Variants in UBR4 observed in about 807,000 individuals in gnomAD.
The protein encoded by UBR4 is ubiquitin protein ligase E3 component n-recognin 4.
In UBR4, 124 loss-of-function variants were observed where a neutral mutation model predicts 575.6. The observed-to-expected ratio is 0.22, with a 90% CI of 0.19 to 0.25. The LOEUF is 0.25. Among genes scored for constraint, UBR4 ranks in the 10% least tolerant of loss-of-function variants. The probability of loss-of-function intolerance (pLI) is 1.00; values close to 1 mark genes in which losing one functional copy is unlikely to be tolerated. For synonymous variants in UBR4, 2,455 were observed against 2,473.7 expected (o/e 0.99, Z 0.22); for missense variants, 4,818 against 6,478.8 (o/e 0.74, Z 8.80).
At chr1:19,094,610 C>T (rs2077844017) in intron 94 of UBR4, among the ~76,000 whole-genome samples, 1 of 152,218 alleles carries the variant, frequency 6.6e-6, no homozygotes, top group Non-Finnish European at 1.5e-5. Context: ...AATTCCTCAA[C>T]TATGAAATGA....
intron 92 of UBR4, 135 bp from the exon 93 acceptor site, chr1:19,095,787 A>T: frequency 1.4e-6 from 1 of 727,622 alleles, no homozygotes; most frequent in South Asian, 1.7e-5. Flanking sequence ...GACAGGAGGG[A>T]GAAGCGGCTC....
intron 64 of UBR4, among the ~76,000 whole-genome samples, chr1:19,125,416 G>A (rs1004459885): frequency 2.0e-5 from 3 of 152,204 alleles, no homozygotes; most frequent in Non-Finnish European, 2.9e-5. Flanking sequence ...CGGGAACCCA[G>A]GACAAGGCTC....
chr1:19,145,006 G>A, intron 53 of UBR4, 99 bp from the exon 54 acceptor site: 2 of 1,421,444 alleles, frequency 1.4e-6, no homozygotes, highest in East Asian at 4.7e-5. Flanking sequence ...CCATGTAAAA[G>A]GTCATGCAAA....
chr1:19,138,522 T>C (rs1331776814), intron 59 of UBR4, among the ~76,000 whole-genome samples: 2 of 152,216 alleles, frequency 1.3e-5, no homozygotes, highest in Non-Finnish European at 2.9e-5. Flanking sequence ...GTAAAAATTG[T>C]ATCCAGTTGC....
At position 19,153,806 on chromosome 1, in the gene UBR4, GA is replaced by G; in HGVS notation, c.6591del (p.Ile2199SerfsTer32). On this transcript the variant is annotated frameshift_variant, in exon 45 of 106. Coordinates refer to ENST00000375254, the MANE Select transcript of UBR4 (RefSeq NM_020765.3). LOFTEE classifies it high-confidence loss of function. This position sits in a 1 kb window ranked among gnomAD's most constrained non-coding sequence, Gnocchi z 4.1. ...PLVVMVKPDT[F>X]LIQEIKTLPA... ...GGAAGAGTCTTAATCTCCTGGATAAGAAAAGTGTCTGGTTTCACCATAACTA... is the reference window on the plus strand; with the variant it reads ...GGAAGAGTCTTAATCTCCTGGATAAGAAAGTGTCTGGTTTCACCATAACTA... 6.2e-7 allele frequency: 1 copy of G among 1,614,176 alleles called. No homozygotes were observed. Among genetic ancestry groups the G allele is most frequent in the Non-Finnish European group, 8.5e-7 (1 of 1,180,020 alleles).
chr1:19,087,749 G>C, intron 99 of UBR4, 67 bp downstream of exon 99: 1 of 1,317,816 alleles, frequency 7.6e-7, no homozygotes. Flanking sequence ...CTGGAGGAGG[G>C]GGATGCTACC....
In UBR4 at chr1:19,115,598, G is replaced by A. The variant is rs768469027; in HGVS notation, c.10863C>T (p.Thr3621=). The A allele has an allele frequency of 1.2e-6, 2 of 1,614,036 alleles. No individual in the cohort carries two copies. Among genetic ancestry groups the A allele is most frequent in the African/African-American group, 2.7e-5 (2 of 74,918 alleles). Residue 3621 remains threonine (T), a synonymous_variant, in exon 74 of 106, where the codon ACC becomes ACT. Coordinates refer to ENST00000375254, the MANE Select transcript of UBR4 (RefSeq NM_020765.3). ...RWHKAKKVQL[T]PGQTEVKIDL... Reference sequence around the variant, plus strand: ...CAATCTTCACCTCTGTCTGTCCAGGGGTCAGCTGAACCTTCTTGGCTTTGT... The same window carrying A: ...CAATCTTCACCTCTGTCTGTCCAGGAGTCAGCTGAACCTTCTTGGCTTTGT...
intron 11 of UBR4, among the ~76,000 whole-genome samples, chr1:19,190,754 T>G (rs1037439346): frequency 2.6e-5 from 4 of 152,204 alleles, no homozygotes; most frequent in Non-Finnish European, 5.9e-5. Flanking sequence ...GCCTCTTTTC[T>G]CAGCCTTTGC....
chr1:19,074,968 CCG>C, intron 105 of UBR4, 72 bp from the exon 106 acceptor site: 1 of 1,514,760 alleles, frequency 6.6e-7, no homozygotes, highest in Non-Finnish European at 9.1e-7. Flanking sequence ...GTCACAGCTG[CCG>C]CATCTAGCAG....
chr1:19,123,161 C>T, intron 65 of UBR4, 101 bp from the exon 66 acceptor site: 1 of 1,330,242 alleles, frequency 7.5e-7, no homozygotes, highest in South Asian at 1.4e-5. Flanking sequence ...TTATTAAAAG[C>T]TGGGGACAGG....
intron 39 of UBR4, among the ~76,000 whole-genome samples, chr1:19,159,478 T>C (rs971655760): frequency 1.3e-5 from 2 of 152,194 alleles, no homozygotes; most frequent in Non-Finnish European, 2.9e-5. Context: ...AAAAATTCTC[T>C]AACTATTCTA....
chr1:19,132,715 A>G (rs1293389183), intron 60 of UBR4, among the ~76,000 whole-genome samples: 1 of 151,724 alleles, frequency 6.6e-6, no homozygotes, highest in Non-Finnish European at 1.5e-5. Context: ...ATTCTTTCAA[A>G]TAAAGTTGAT....
intron 99 of UBR4, 103 bp downstream of exon 99, chr1:19,087,713 T>C (rs2148733900): frequency 1.1e-6 from 1 of 874,172 alleles, no homozygotes; most frequent in East Asian, 2.7e-5. Flanking sequence ...CAGGCCTTGA[T>C]CTTGCCTAGC....
chr1:19,203,452 A>G (rs1444326698), intron 1 of UBR4, among the ~76,000 whole-genome samples: 1 of 151,772 alleles, frequency 6.6e-6, no homozygotes, highest in Non-Finnish European at 1.5e-5. Context: ...GTGAGCTGAG[A>G]TTGTGCCACT....
chr1:19,177,468 A>T lies in UBR4; in HGVS notation c.2630T>A (p.Phe877Tyr). Residue 877 changes from phenylalanine to tyrosine, a missense_variant, in exon 19 of 106, where the codon TTT becomes TAT. This residue lies in a region of UBR4 where 1,172 missense variants were observed against 1,259.7 expected (regional missense o/e 0.93). Transcript: ENST00000375254. ...HQYSKAPVYL[F>Y]EQVQHNLLSP... ...GAACGTGTTGGTCTGTACCTGCTCA[A>T]ATAGATACACAGGGGCTTTGGAGTA... 4.3e-6 allele frequency: 7 copies of T among 1,614,032 alleles called. No homozygotes were observed. Among genetic ancestry groups the T allele is most frequent in the Middle Eastern group, 1.7e-4 (1 of 6,060 alleles).
Position 19,110,079 on chromosome 1 carries a change from C to T in UBR4, c.12105+17G>A, listed in dbSNP as rs1165151813. 12 of 1,613,760 alleles carry T rather than the reference C, an allele frequency of 7.4e-6. No individual in the cohort carries two copies. The highest frequency in any genetic ancestry group is 1.0e-5 in the Non-Finnish European group (12 of 1,179,974). On this transcript the variant is annotated intron_variant, in intron 81 of 105. Coordinates refer to ENST00000375254, the MANE Select transcript of UBR4 (RefSeq NM_020765.3). This position sits in a 1 kb window ranked among gnomAD's most constrained non-coding sequence, Gnocchi z 4.5. ...CCGCCCTGCCCTTCCTTGTTAGACC[C>T]CTGCTTGGCCCAGTACCTTGTTCTT...
chr1:19,128,596 T>C (rs1191812792), intron 61 of UBR4, among the ~76,000 whole-genome samples: 1 of 152,204 alleles, frequency 6.6e-6, no homozygotes, highest in Non-Finnish European at 1.5e-5. Context: ...AGCAAGTAGC[T>C]TGAGAAAGGG....
At chr1:19,136,843 T>G (rs1301092534) in intron 60 of UBR4, among the ~76,000 whole-genome samples, 1 of 152,156 alleles carries the variant, frequency 6.6e-6, no homozygotes. Context: ...AAATATCATC[T>G]ATTAACAGAA....
At chr1:19,121,855 T>A (rs887159694) in intron 67 of UBR4, 79 bp downstream of exon 67, 3 of 1,482,542 alleles carry the variant, frequency 2.0e-6, no homozygotes, top group Non-Finnish European at 2.8e-6. Context: ...AGCATCCAGT[T>A]CAGTGCTTGG....
Sources: gnomAD v4.1 joint callset for allele counts (sites outside exome capture counted in the v4.1 genomes callset) on GRCh38, gnomAD v4.1.1 for gene constraint, gnomAD v4.1.1 regional missense constraint, Gnocchi (gnomAD v3.1) non-coding constraint, MANE v1.5 for transcripts, NCBI Gene and HGNC (gene_info 2026-07-23, HGNC 2026-07-21) for gene names.